Variants in LRRC7 observed in about 807,000 individuals in gnomAD.
The protein encoded by LRRC7 is leucine-rich repeat-containing protein 7.
In LRRC7, 23 loss-of-function variants were observed where a neutral mutation model predicts 175.7. That is an observed-to-expected ratio of 0.13 (90% CI 0.09 to 0.19). The LOEUF is 0.19. Ranked by LOEUF, LRRC7 falls within the 10% of genes least tolerant of loss-of-function variation. The pLI, the probability that LRRC7 is intolerant of heterozygous loss-of-function variation, is 1.00. For missense variants in LRRC7, 1,354 were observed against 1,904.7 expected, an observed-to-expected ratio of 0.71 and a Z score of 5.38; for synonymous variants, 685 against 680.9, an observed-to-expected ratio of 1.01 and a Z score of -0.09.
intron 2 of LRRC7, among the ~76,000 whole-genome samples, chr1:69,751,253 C>A (rs1669817605): frequency 6.6e-6 from 1 of 152,122 alleles, no homozygotes; most frequent in African/African-American, 2.4e-5. Context: ...GTAGAGCAGG[C>A]ACCATAGCTT....
intron 22 of LRRC7, among the ~76,000 whole-genome samples, chr1:70,050,545 A>G: frequency 6.6e-6 from 1 of 152,098 alleles, no homozygotes; most frequent in East Asian, 1.9e-4. Flanking sequence ...CTTACTCCTT[A>G]AAATATCCAA....
chr1:69,602,893 T>C (rs952034983), intron 1 of LRRC7, among the ~76,000 whole-genome samples: 1 of 152,234 alleles, frequency 6.6e-6, no homozygotes, highest in East Asian at 1.9e-4. Context: ...TATGTTACAA[T>C]TGCCTGCAGT....
chr1:70,109,782 T>C (rs1665397366), intron 26 of LRRC7, among the ~76,000 whole-genome samples: 2 of 152,220 alleles, frequency 1.3e-5, no homozygotes, highest in African/African-American at 2.4e-5. Context: ...CATAACTCTC[T>C]AACATTTGGT....
chr1:70,122,971 A>C lies in LRRC7; in HGVS notation c.*1084A>C, dbSNP rs1666286629. 1 of 152,682 alleles carries C rather than the reference A, an allele frequency of 6.5e-6. No individual in the cohort carries two copies. The highest frequency in any genetic ancestry group is 2.1e-4 in the South Asian group (1 of 4,834). The allele number at this position is 152,682 out of a possible 1,614,324, so 9.5% of individuals were successfully genotyped here. On this transcript the variant is annotated 3_prime_UTR_variant, in exon 27 of 27. Transcript: ENST00000651989. ...TATGAAACTTCAAATATAATTTCTC[A>C]GAGCTGTGGTCTACCTGTATCATTA...
intron 2 of LRRC7, among the ~76,000 whole-genome samples, chr1:69,757,864 C>T (rs1273694942): frequency 6.6e-6 from 1 of 151,768 alleles, no homozygotes; most frequent in African/African-American, 2.4e-5. Context: ...AATGTGACTA[C>T]TAGATACTCA....
intron 21 of LRRC7, 21 bp downstream of exon 21, chr1:70,039,814 T>G (rs369907361): frequency 6.5e-7 from 1 of 1,547,604 alleles, no homozygotes; most frequent in Non-Finnish European, 8.7e-7. Context: ...TGTTTCTCTG[T>G]AAGAATATCC....
At chr1:70,073,783 C>T (rs967802980) in intron 23 of LRRC7, among the ~76,000 whole-genome samples, 1 of 152,178 alleles carries the variant, frequency 6.6e-6, no homozygotes, top group African/African-American at 2.4e-5. Context: ...ACTTAAAAAT[C>T]AATTGATTTG....
intron 4 of LRRC7, among the ~76,000 whole-genome samples, chr1:69,800,671 C>T (rs1371613526): frequency 1.3e-5 from 2 of 151,780 alleles, no homozygotes; most frequent in South Asian, 2.1e-4. Flanking sequence ...TATAAGATCA[C>T]ATCAATAGTA....
intron 7 of LRRC7, among the ~76,000 whole-genome samples, chr1:69,868,753 T>C (rs1685195246): frequency 6.6e-6 from 1 of 152,124 alleles, no homozygotes; most frequent in Non-Finnish European, 1.5e-5. Flanking sequence ...ATTTATCTTC[T>C]TATAGTTCTG....
At chr1:69,571,103 A>G (rs941601541) in intron 1 of LRRC7, among the ~76,000 whole-genome samples, 7 of 152,208 alleles carry the variant, frequency 4.6e-5, no homozygotes, top group African/African-American at 1.4e-4. Flanking sequence ...GTCAATTTTC[A>G]TGACTTATTA....
intron 1 of LRRC7, among the ~76,000 whole-genome samples, chr1:69,666,706 C>T (rs1658321975): frequency 6.6e-6 from 1 of 151,612 alleles, no homozygotes; most frequent in African/African-American, 2.4e-5. Context: ...TCTTCTCCCC[C>T]TTTTTACTCT....
Position 70,139,581 on chromosome 1 carries a change from A to T in LRRC7, c.*17694A>T, listed in dbSNP as rs780132167. The stretch of plus-strand genomic sequence containing the variant: ...CCTTTGTGGGTGAGGGAAGAAGAGG[A>T]CATCAGGTGAAGTGTGCCATTACTA... On this transcript the variant is annotated 3_prime_UTR_variant, in exon 27 of 27. Coordinates refer to ENST00000651989, the MANE Select transcript of LRRC7 (RefSeq NM_001370785.2). 6.6e-6 allele frequency: 1 copy of T among 152,206 alleles called. No individual in the cohort carries two copies. The highest frequency in any genetic ancestry group is 1.5e-5 in the Non-Finnish European group (1 of 68,070). 9.4% of individuals were successfully genotyped at this position (152,206 alleles called of 1,614,324 possible).
intron 1 of LRRC7, among the ~76,000 whole-genome samples, chr1:69,649,984 C>T (rs758797689): frequency 1.3e-5 from 2 of 151,920 alleles, no homozygotes; most frequent in African/African-American, 2.4e-5. Context: ...GGCAAGCATG[C>T]GATAAGAGAT....
intron 11 of LRRC7, among the ~76,000 whole-genome samples, chr1:69,996,225 C>T (rs1159756699): frequency 6.6e-6 from 1 of 151,970 alleles, no homozygotes; most frequent in African/African-American, 2.4e-5. Context: ...CTGTTCATGT[C>T]CTTCGCCCAC....
chr1:69,998,497 AAG>A (rs1309998628), intron 11 of LRRC7, among the ~76,000 whole-genome samples: 5 of 152,128 alleles, frequency 3.3e-5, no homozygotes, highest in African/African-American at 1.2e-4. Context: ...GTATAGAGCA[AAG>A]AGAACTTAAG....
chr1:69,635,382 A>T (rs1653168031), intron 1 of LRRC7, among the ~76,000 whole-genome samples: 1 of 152,102 alleles, frequency 6.6e-6, no homozygotes, highest in Non-Finnish European at 1.5e-5. Flanking sequence ...GCTTTTTAAC[A>T]ATGTTTATTA....
chr1:70,047,752 T>A (rs1487408561), intron 22 of LRRC7, among the ~76,000 whole-genome samples: 3 of 152,000 alleles, frequency 2.0e-5, no homozygotes, highest in Non-Finnish European at 4.4e-5. Context: ...AAGAGTAAAT[T>A]ACATCTTCTA....
At chr1:69,578,825 G>A (rs1178623239) in intron 1 of LRRC7, among the ~76,000 whole-genome samples, 6 of 146,666 alleles carry the variant, frequency 4.1e-5, no homozygotes, top group South Asian at 2.3e-4. Flanking sequence ...ATAGCATTAG[G>A]AGATATACCT....
intron 6 of LRRC7, among the ~76,000 whole-genome samples, chr1:69,836,055 T>G (rs1447473456): frequency 6.6e-6 from 1 of 152,076 alleles, no homozygotes; most frequent in African/African-American, 2.4e-5. Context: ...ACTGAATTTA[T>G]GTAAATGATA....
Sources: allele counts gnomAD v4.1 joint callset (sites outside exome capture counted in the v4.1 genomes callset), GRCh38; gene constraint gnomAD v4.1.1; transcripts MANE v1.5; gene names NCBI Gene and HGNC (gene_info 2026-07-23, HGNC 2026-07-21).